The following PTAFR variants were observed in gnomAD, a reference collection of about 807,000 sequenced individuals.
PTAFR encodes platelet activating factor receptor, also known as platelet-activating factor receptor.
Under a neutral mutation model 14.7 loss-of-function variants are expected in PTAFR, and 8 were observed. The ratio of observed to expected loss-of-function variants is 0.54; its 90% CI spans 0.32 to 0.98. The LOEUF (loss-of-function observed/expected upper bound fraction) is 0.98. PTAFR is among the 50% of genes least tolerant of loss of function. The probability of loss-of-function intolerance (pLI) is 0.04; values close to 1 mark genes in which losing one functional copy is unlikely to be tolerated. For synonymous variants in PTAFR, 156 were observed against 176.5 expected, an observed-to-expected ratio of 0.88 and a Z score of 0.92; for missense variants, 337 against 451.2, an observed-to-expected ratio of 0.75 and a Z score of 2.29.
At chr1:28,162,884 T>G (rs1477957975) in intron 1 of PTAFR, among the ~76,000 whole-genome samples, 1 of 149,948 alleles carries the variant, frequency 6.7e-6, no homozygotes, top group Non-Finnish European at 1.5e-5. Context: ...TCCCAGGCGA[T>G]TCGTGCACGC....
chr1:28,152,603 C>T (rs1232233853), intron 1 of PTAFR, among the ~76,000 whole-genome samples: 7 of 151,964 alleles, frequency 4.6e-5, no homozygotes, highest in African/African-American at 1.2e-4. Context: ...ATTAGCTGGG[C>T]GTGGTGGCAG....
intron 1 of PTAFR, among the ~76,000 whole-genome samples, chr1:28,190,532 A>G (rs966461965): frequency 2.6e-5 from 4 of 152,206 alleles, no homozygotes; most frequent in African/African-American, 9.6e-5. Flanking sequence ...GGCAAAGAGA[A>G]TCTGGAGAAT....
chr1:28,163,961 C>G (rs1198216480), intron 1 of PTAFR, among the ~76,000 whole-genome samples: 2 of 152,232 alleles, frequency 1.3e-5, no homozygotes, highest in Non-Finnish European at 2.9e-5. Flanking sequence ...CAGGCACAGC[C>G]TTCAGCTGGG....
upstream of PTAFR, among the ~76,000 whole-genome samples, chr1:28,180,550 A>G (rs1646554107): frequency 6.6e-6 from 1 of 152,184 alleles, no homozygotes; most frequent in Non-Finnish European, 1.5e-5. Flanking sequence ...TGGTCCATAC[A>G]GGGCAGCCTC....
In PTAFR at chr1:28,160,689, G is replaced by C. The variant is rs542011662; in HGVS notation, c.-38-9630C>G. Among the ~76,000 whole-genome samples, 4 of 152,100 alleles carry C rather than the reference G, an allele frequency of 2.6e-5. No homozygotes were observed. In the South Asian group the frequency reaches 6.2e-4, roughly 24 times the overall value. On this transcript the variant is annotated intron_variant, in intron 1 of 1. Transcript: ENST00000373857. ...GTATACTTGGGTCTATCTGACTTCA[G>C]AGCCTCCCCAGTCCACACAGGCCCC...
chr1:28,155,157 C>G (rs941130062), intron 1 of PTAFR, among the ~76,000 whole-genome samples: 3 of 152,082 alleles, frequency 2.0e-5, no homozygotes, highest in Non-Finnish European at 4.4e-5. Context: ...TCCACAATAC[C>G]CATCTTGCTG....
At chr1:28,169,163 A>C (rs1056031703) in intron 1 of PTAFR, among the ~76,000 whole-genome samples, 2 of 152,184 alleles carry the variant, frequency 1.3e-5, no homozygotes, top group African/African-American at 2.4e-5. Flanking sequence ...TGGGAGGCCA[A>C]AATGAGTGGA....
upstream of PTAFR, among the ~76,000 whole-genome samples, chr1:28,177,868 A>C (rs1298825573): frequency 1.3e-5 from 2 of 152,032 alleles, no homozygotes; most frequent in African/African-American, 4.8e-5. Context: ...GGTATGTGTG[A>C]AAGTGAGCTG....
At chr1:28,178,810 G>C (rs6693548), upstream of PTAFR, among the ~76,000 whole-genome samples, 113 of 151,836 alleles carry the variant, frequency 7.4e-4, no homozygotes, top group African/African-American at 2.5e-3. Context: ...CTCCTTCCTC[G>C]AGTTCATGCG....
Position 28,150,548 on chromosome 1 carries a change from G to T in PTAFR, c.474C>A (p.Thr158=). The change falls in exon 2 of 2, where the codon ACC becomes ACA. Residue 158 remains threonine (T), a synonymous_variant. Transcript: ENST00000373857. This position sits in a 1 kb window ranked among gnomAD's most constrained non-coding sequence, Gnocchi z 6.3. ...AGCCAGCACTGTCGGGCACTGTGTT[G>T]GTGGAGTCCAGGATGAGGAAGTAGG... The part of the protein sequence containing the change: ...AASYFLILDS[T]NTVPDSAGSG... The T allele has an allele frequency of 6.2e-7, 1 of 1,614,192 alleles. No homozygotes were observed. Among genetic ancestry groups the T allele is most frequent in the South Asian group, 1.1e-5 (1 of 91,086 alleles).
At chr1:28,157,247 C>T (rs1056520333) in intron 1 of PTAFR, among the ~76,000 whole-genome samples, 5 of 152,132 alleles carry the variant, frequency 3.3e-5, no homozygotes, top group Admixed American at 2.0e-4. Flanking sequence ...TCAAGCCAAC[C>T]TCCTACCTCA....
At chr1:28,166,396 G>T (rs1646385145) in intron 1 of PTAFR, among the ~76,000 whole-genome samples, 3 of 152,174 alleles carry the variant, frequency 2.0e-5, no homozygotes, top group Admixed American at 2.0e-4. Flanking sequence ...TCTTGGCGGG[G>T]TGTGGTGGTT....
upstream of PTAFR, among the ~76,000 whole-genome samples, chr1:28,177,785 A>T (rs1646530152): frequency 6.6e-6 from 1 of 151,174 alleles, no homozygotes; most frequent in African/African-American, 2.4e-5. Flanking sequence ...GTATGAGTTC[A>T]TGGGAGCATG....
In PTAFR at chr1:28,169,311, AT is replaced by A. The variant is rs1646427102; in HGVS notation, c.-39+7280del. On this transcript the variant is annotated intron_variant, in intron 1 of 1. Transcript: ENST00000373857. The stretch of plus-strand genomic sequence containing the variant: ...TCACCACAGTAAAAAAAAAAAAAAA[AT>A]CAATGGGCCTAAGAGACGACAAATT... Among the ~76,000 whole-genome samples the A allele has an allele frequency of 2.0e-5, 3 of 152,010 alleles. No homozygotes were observed. In the South Asian group the frequency reaches 6.2e-4, roughly 31 times the overall value.
chr1:28,181,520 G>A (rs1646562404), upstream of PTAFR, among the ~76,000 whole-genome samples: 1 of 152,100 alleles, frequency 6.6e-6, no homozygotes, highest in Non-Finnish European at 1.5e-5. Flanking sequence ...GCTGAGGCGG[G>A]CGGATCACCT....
Position 28,187,981 on chromosome 1 carries a change from C to T in PTAFR, c.-39+5741G>A, listed in dbSNP as rs1474037383. On this transcript the variant is annotated intron_variant, in intron 1 of 1. Transcript: ENST00000305392. ...ATCAATTGAGCCCAGGGTTCAAAACCAGCCTGGGCAACATAGCAAGACCTC... is the reference window on the plus strand; with the variant it reads ...ATCAATTGAGCCCAGGGTTCAAAACTAGCCTGGGCAACATAGCAAGACCTC... 4.0e-5 allele frequency among the ~76,000 whole-genome samples: 6 copies of T among 151,880 alleles called. 1 individual carries two copies. Among genetic ancestry groups the T allele is most frequent in the African/African-American group, 1.4e-4 (6 of 41,412 alleles).
upstream of PTAFR, chr1:28,177,282 A>G (rs1646525242): frequency 1.3e-5 from 2 of 152,538 alleles, no homozygotes; most frequent in African/African-American, 4.8e-5. Flanking sequence ...TGGGATATAA[A>G]GTGGAGGGAG....
chr1:28,170,323 C>T (rs1048536429), intron 1 of PTAFR, among the ~76,000 whole-genome samples: 1 of 152,156 alleles, frequency 6.6e-6, no homozygotes, highest in Non-Finnish European at 1.5e-5. Flanking sequence ...TCTTCGCTTC[C>T]AAACTCTCAC....
upstream of PTAFR, among the ~76,000 whole-genome samples, chr1:28,178,259 TTTTA>T (rs1198839751): frequency 6.6e-6 from 1 of 152,010 alleles, no homozygotes; most frequent in Non-Finnish European, 1.5e-5. Flanking sequence ...TTTTTTATTT[TTTTA>T]TTTTTTATTT....
Sources: allele counts gnomAD v4.1 joint callset (sites outside exome capture counted in the v4.1 genomes callset), GRCh38; gene constraint gnomAD v4.1.1; non-coding constraint Gnocchi (gnomAD v3.1); transcripts MANE v1.5; gene names NCBI Gene and HGNC (gene_info 2026-07-23, HGNC 2026-07-21).